The following UBR4 variants were observed in gnomAD, a reference collection of about 807,000 sequenced individuals.
UBR4 encodes ubiquitin protein ligase E3 component n-recognin 4, also known as E3 ubiquitin-protein ligase UBR4.
A neutral mutation model predicts 575.6 loss-of-function variants in UBR4; 124 were observed. The observed-to-expected ratio is 0.22, with a 90% CI of 0.19 to 0.25. The LOEUF is 0.25. Ranked by LOEUF, UBR4 falls within the 10% of genes least tolerant of loss-of-function variation. The pLI, the probability that UBR4 is intolerant of heterozygous loss-of-function variation, is 1.00. For missense variants in UBR4, 4,818 were observed against 6,478.8 expected (o/e 0.74, Z 8.80); for synonymous variants, 2,455 against 2,473.7 (o/e 0.99, Z 0.22).
Position 19,110,490 on chromosome 1 carries a change from A to C in UBR4, c.11893-26T>G, listed in dbSNP as rs1303839282. On this transcript the variant is annotated intron_variant, in intron 79 of 105. Coordinates refer to ENST00000375254, the MANE Select transcript of UBR4 (RefSeq NM_020765.3). The surrounding 1 kb of genome is among the most constrained non-coding windows in gnomAD (Gnocchi z 4.5). The stretch of plus-strand genomic sequence containing the variant: ...CTAGAAGGCAATGGGAAGAGACATG[A>C]GTCAAGAGGGTCAGCTCCGGTCCAG... The C allele has an allele frequency of 1.2e-6, 2 of 1,611,252 alleles. No individual in the cohort carries two copies. Among genetic ancestry groups the C allele is most frequent in the Admixed American group, 1.7e-5 (1 of 59,938 alleles).
chr1:19,087,969 C>G, intron 98 of UBR4, 40 bp from the exon 99 acceptor site: 2 of 1,505,654 alleles, frequency 1.3e-6, no homozygotes, highest in Non-Finnish European at 1.8e-6. Flanking sequence ...GGGATTTCCA[C>G]ACACCCTCTC....
intron 73 of UBR4, 71 bp from the exon 74 acceptor site, chr1:19,115,708 G>A (rs2149381232): frequency 2.5e-6 from 4 of 1,573,726 alleles, no homozygotes; most frequent in East Asian, 4.5e-5. Context: ...GAGACAAAGA[G>A]GAAGACTGTC....
chr1:19,092,788 T>C (rs767173498), intron 97 of UBR4, 31 bp downstream of exon 97: 1 of 1,573,086 alleles, frequency 6.4e-7, no homozygotes, highest in Non-Finnish European at 8.7e-7. Context: ...TGTACCCCTG[T>C]ACCCTCACAC....
Position 19,151,899 on chromosome 1 carries a change from T to C in UBR4, c.6997-40A>G, listed in dbSNP as rs776182416. The C allele has an allele frequency of 9.3e-6, 14 of 1,509,690 alleles. 1 individual carries two copies. The East Asian group carries it at 3.2e-4, about 34-fold the overall frequency. 93.5% of individuals were successfully genotyped at this position (1,509,690 alleles called of 1,614,324 possible). A position where few individuals can be genotyped will look rare whatever the true frequency, so the allele number is the denominator to read the frequency against. Reference sequence around the variant, plus strand: ...GGCACACATCAAGAAACTACAGAAGTTCTTAAGTTTTAACTAGGACTCCTT... The same window carrying C: ...GGCACACATCAAGAAACTACAGAAGCTCTTAAGTTTTAACTAGGACTCCTT... On this transcript the variant is annotated intron_variant, in intron 47 of 105. Transcript: ENST00000375254.
rs1204706376 is a variant in UBR4 at position 19,144,864 on chromosome 1, G to T, written c.7989C>A (p.Ile2663=). The T allele has an allele frequency of 4.3e-6, 7 of 1,614,140 alleles. No homozygotes were observed. Among genetic ancestry groups the T allele is most frequent in the Middle Eastern group, 1.6e-4 (1 of 6,062 alleles). ...IEATVNALVD[I]IHGYCTCELD... ...GCTCACAGGTACAGTAGCCATGGAT[G>T]ATGTCCACCAGAGCATTGACAGTAG... is the stretch of plus-strand genomic sequence containing the variant. Residue 2663 remains isoleucine (I), a synonymous_variant, in exon 54 of 106, where the codon ATC becomes ATA. Coordinates refer to ENST00000375254, the MANE Select transcript of UBR4 (RefSeq NM_020765.3).
At chr1:19,154,495 C>T (rs1192182565) in intron 44 of UBR4, among the ~76,000 whole-genome samples, 1 of 152,132 alleles carries the variant, frequency 6.6e-6, no homozygotes, top group Non-Finnish European at 1.5e-5. Flanking sequence ...CTCTTCCTCC[C>T]CCATATCCAA....
intron 11 of UBR4, among the ~76,000 whole-genome samples, chr1:19,191,378 T>G (rs1038866682): frequency 2.0e-5 from 3 of 151,918 alleles, no homozygotes; most frequent in Non-Finnish European, 4.4e-5. Flanking sequence ...GGCTGAGGCA[T>G]GAGAATTGCT....
intron 21 of UBR4, 123 bp downstream of exon 21, chr1:19,174,831 A>ATG: frequency 1.1e-6 from 1 of 893,490 alleles, no homozygotes; most frequent in Non-Finnish European, 1.7e-6. Context: ...ATAAGCTCAA[A>ATG]TCGTAACACA....
chr1:19,195,825 CCT>C (rs1322428232), intron 8 of UBR4, among the ~76,000 whole-genome samples: 2 of 152,042 alleles, frequency 1.3e-5, no homozygotes, highest in Non-Finnish European at 2.9e-5. Context: ...TAGCTCAGAT[CCT>C]CTCACAGCTC....
At chr1:19,197,320 G>A in intron 7 of UBR4, 55 bp from the exon 8 acceptor site, 2 of 1,609,442 alleles carry the variant, frequency 1.2e-6, no homozygotes, top group Non-Finnish European at 1.7e-6. Flanking sequence ...CTTCTATAAT[G>A]TGACAGTTAA....
intron 14 of UBR4, 90 bp downstream of exon 14, chr1:19,186,450 G>C (rs2091534775): frequency 1.7e-6 from 2 of 1,175,696 alleles, no homozygotes; most frequent in South Asian, 3.7e-5. Context: ...GGAAACTTTT[G>C]TTTGGTCAGG....
chr1:19,176,664 G>T lies in UBR4; in HGVS notation c.2701C>A (p.Arg901Ser). The change falls in exon 20 of 106, where the codon CGC becomes AGC. Residue 901 changes from arginine to serine, a missense_variant. Arg to Ser is a moderately radical substitution (Grantham distance 110, BLOSUM62 -1). Transcript: ENST00000375254. ...TGATAGAGAGGAGTGGTTGCCCGGCGGCTGTTGCTGTCCTGGGATCCACTT... is the reference window on the plus strand; with the variant it reads ...TGATAGAGAGGAGTGGTTGCCCGGCTGCTGTTGCTGTCCTGGGATCCACTT... Reference protein sequence around the residue: ...WASGSQDSNSRRATTPLYHGF... With the variant: ...WASGSQDSNSSRATTPLYHGF... 6.2e-7 allele frequency: 1 copy of T among 1,614,054 alleles called. No homozygotes were observed. The highest frequency in any genetic ancestry group is 8.5e-7 in the Non-Finnish European group (1 of 1,180,002).
intron 61 of UBR4, 21 bp downstream of exon 61, chr1:19,128,957 T>A (rs920827918): frequency 1.9e-6 from 3 of 1,604,104 alleles, no homozygotes; most frequent in Non-Finnish European, 2.6e-6. Context: ...CTGACAGAGA[T>A]CCAGGTGAGC....
Position 19,156,378 on chromosome 1 carries a change from G to T in UBR4, c.5965C>A (p.His1989Asn). Residue 1989 changes from histidine to asparagine, a missense_variant, in exon 42 of 106, where the codon CAC becomes AAC. Transcript: ENST00000375254. ...TFSSSGSVSD[H>N]LVLHPQLATG... ...GCCAACTGAGGGTGCAAAACCAAGT[G>T]ATCCGAAACAGAGCCTGAGCTACTA... 6.2e-7 allele frequency: 1 copy of T among 1,614,174 alleles called. No homozygotes were observed.
chr1:19,199,729 C>A lies in UBR4; in HGVS notation c.300G>T (p.Val100=), dbSNP rs1452160005. 3.1e-6 allele frequency: 5 copies of A among 1,614,064 alleles called. No individual in the cohort carries two copies. In the South Asian group the frequency reaches 5.5e-5, roughly 18 times the overall value. ...CAATTAGAACTTTACAGGCTGCTGC[C>A]ACTGACTGAAGTTGGTTCCGGGGAA... ...SLIPRNQLQS[V]AAACKVLIEF... Residue 100 remains valine (V), a synonymous_variant, in exon 3 of 106, where the codon GTG becomes GTT. Coordinates refer to ENST00000375254, the MANE Select transcript of UBR4 (RefSeq NM_020765.3).
At chr1:19,170,161 G>T (rs1372966137) in intron 26 of UBR4, among the ~76,000 whole-genome samples, 1 of 152,172 alleles carries the variant, frequency 6.6e-6, no homozygotes, top group Non-Finnish European at 1.5e-5. Flanking sequence ...CAAAGTACTA[G>T]CTTGCTAATC....
chr1:19,148,772 C>T, intron 49 of UBR4, 146 bp from the exon 50 acceptor site: 1 of 810,678 alleles, frequency 1.2e-6, no homozygotes, highest in Non-Finnish European at 2.0e-6. Context: ...CTGCCACAGG[C>T]ACCATGCATA....
chr1:19,204,722 A>G (rs1558037937), intron 1 of UBR4, among the ~76,000 whole-genome samples: 1 of 152,132 alleles, frequency 6.6e-6, no homozygotes, highest in Non-Finnish European at 1.5e-5. Flanking sequence ...CTTCAGCTCT[A>G]CTTATAATGT....
Position 19,138,156 on chromosome 1 carries a change from G to A in UBR4, c.8757C>T (p.Gly2919=), listed in dbSNP as rs752597534. ...CCGGATGCCCCTCAGCTGTAGCATC[G>A]CCATAAGCACTGCTCCGGCCAGATA... ...HSVSGRSSAY[G]DATAEGHPAG... Residue 2919 remains glycine (G), a synonymous_variant, in exon 60 of 106, where the codon GGC becomes GGT. Transcript: ENST00000375254. 2.2e-5 allele frequency: 34 copies of A among 1,570,396 alleles called. No individual in the cohort carries two copies. Among genetic ancestry groups the A allele is most frequent in the Middle Eastern group, 1.7e-4 (1 of 5,958 alleles).
Sources: allele counts gnomAD v4.1 joint callset (sites outside exome capture counted in the v4.1 genomes callset), GRCh38; gene constraint gnomAD v4.1.1; non-coding constraint Gnocchi (gnomAD v3.1); transcripts MANE v1.5; gene names NCBI Gene and HGNC (gene_info 2026-07-23, HGNC 2026-07-21).